CCDC14: variants seen among roughly 807,000 people sequenced by gnomAD.
CCDC14 encodes coiled-coil domain containing 14, also known as coiled-coil domain-containing protein 14.
Under a neutral mutation model 81.4 loss-of-function variants are expected in CCDC14, and 71 were observed. That is an observed-to-expected ratio of 0.87 (90% confidence interval 0.72 to 1.06). CCDC14 has a LOEUF of 1.06. Ranked by LOEUF, CCDC14 falls within the 50% of genes least tolerant of loss-of-function variation. CCDC14 has a pLI of 0.00. For synonymous variants in CCDC14, 332 were observed against 364.8 expected (o/e 0.91, Z 1.03); for missense variants, 1,046 against 1,047.3 (o/e 1.00, Z 0.02).
At chr3:123,916,305 G>C (rs2034685672) in intron 12 of CCDC14, among the ~76,000 whole-genome samples, 1 of 152,008 alleles carries the variant, frequency 6.6e-6, no homozygotes, top group African/African-American at 2.4e-5. Context: ...AGCCGAGATG[G>C]TTTATTCTTG....
chr3:123,961,089 AC>A, intron 1 of CCDC14, 54 bp downstream of exon 1: 8 of 1,429,896 alleles, frequency 5.6e-6, no homozygotes, highest in East Asian at 2.5e-5. Context: ...TGGCCCGAAA[AC>A]CCCCCTGTCC....
chr3:123,934,270 CAAAAAAAAA>C (rs61094944), intron 9 of CCDC14, among the ~76,000 whole-genome samples: 3 of 52,274 alleles, frequency 5.7e-5, no homozygotes, highest in East Asian at 3.6e-4. Context: ...GACTCTGCCT[CAAAAAAAAA>C]AAAAAAAAAA....
At chr3:123,956,264 G>A in intron 3 of CCDC14, 91 bp downstream of exon 3, 1 of 1,233,810 alleles carries the variant, frequency 8.1e-7, no homozygotes, top group Non-Finnish European at 1.1e-6. Flanking sequence ...TACTTCCTTA[G>A]AGCAATTAAT....
intron 5 of CCDC14, chr3:123,953,067 A>T (rs1340008984): frequency 6.4e-6 from 1 of 156,178 alleles, no homozygotes; most frequent in Non-Finnish European, 1.4e-5. Context: ...CCAAATAAGA[A>T]TTTAACGCTA....
At chr3:123,907,486 T>C (rs1469595469) in intron 5 of CCDC14, among the ~76,000 whole-genome samples, 7 of 151,808 alleles carry the variant, frequency 4.6e-5, no homozygotes, top group Admixed American at 2.0e-4. Context: ...GGCATGAGGA[T>C]TGCTTGAGCC....
chr3:123,927,968 C>G (rs2035466387), intron 12 of CCDC14, among the ~76,000 whole-genome samples: 1 of 152,114 alleles, frequency 6.6e-6, no homozygotes, highest in Non-Finnish European at 1.5e-5. Flanking sequence ...CTCTTTAAAA[C>G]AGAAAGCAAA....
At chr3:123,895,006 C>A (rs2034037824), downstream of CCDC14, among the ~76,000 whole-genome samples, 1 of 152,190 alleles carries the variant, frequency 6.6e-6, no homozygotes, top group Non-Finnish European at 1.5e-5. Context: ...ACAAACCTAG[C>A]ACATTATAAT....
intron 5 of CCDC14, among the ~76,000 whole-genome samples, chr3:123,905,644 C>T (rs1358887458): frequency 6.6e-6 from 1 of 152,234 alleles, no homozygotes; most frequent in Non-Finnish European, 1.5e-5. Flanking sequence ...ACTACAACCA[C>T]CACCTCACAT....
chr3:123,893,368 T>C (rs1362435101), downstream of CCDC14, among the ~76,000 whole-genome samples: 1 of 152,238 alleles, frequency 6.6e-6, no homozygotes, highest in East Asian at 1.9e-4. Flanking sequence ...TCATTCAGTG[T>C]AATGTTTTCA....
chr3:123,885,924 G>T, the CCDC14 span, among the ~76,000 whole-genome samples: 2 of 152,082 alleles, frequency 1.3e-5, no homozygotes, highest in African/African-American at 4.8e-5. Flanking sequence ...AAGGCACGAT[G>T]AATACCTGCT....
At chr3:123,955,137 T>G (rs1267017206) in intron 5 of CCDC14, 1 of 152,206 alleles carries the variant, frequency 6.6e-6, no homozygotes, top group Non-Finnish European at 1.5e-5. Flanking sequence ...CCAAGCTGAA[T>G]CTAAGCACGT....
chr3:123,948,779 T>C lies in CCDC14; in HGVS notation c.596A>G (p.Gln199Arg). Reference sequence around the variant, plus strand: ...GCCATAACTAGAATGAGGAGTTGCCTGAGATTCTGTAAGTAAGAGGGAGAA... The same window carrying C: ...GCCATAACTAGAATGAGGAGTTGCCCGAGATTCTGTAAGTAAGAGGGAGAA... ...PCHAPSHSESQATPHSSYGLC... is the reference protein window; with the variant it reads ...PCHAPSHSESRATPHSSYGLC... Residue 199 changes from glutamine (Q) to arginine (R), a missense_variant, in exon 7 of 13, where the codon CAG becomes CGG. Transcript: ENST00000409697. 1 of 1,595,070 alleles carries C rather than the reference T, an allele frequency of 6.3e-7. No homozygotes were observed. Among genetic ancestry groups the C allele is most frequent in the East Asian group, 2.2e-5 (1 of 44,764 alleles).
At position 123,948,794 on chromosome 3, in the gene CCDC14, A is replaced by G. The variant is rs1383063904; in HGVS notation, c.590-9T>C. The G allele has an allele frequency of 6.9e-6, 11 of 1,589,900 alleles. No individual in the cohort carries two copies. Among genetic ancestry groups the G allele is most frequent in the Non-Finnish European group, 8.5e-6 (10 of 1,170,644 alleles). On this transcript the variant is annotated splice_polypyrimidine_tract_variant and intron_variant, in intron 6 of 12. Transcript: ENST00000409697. ...AGGAGTTGCCTGAGATTCTGTAAGT[A>G]AGAGGGAGAAAAAATTAATCACATA...
At chr3:123,908,964 AAAAG>A (rs1198985060), downstream of CCDC14, among the ~76,000 whole-genome samples, 3 of 152,054 alleles carry the variant, frequency 2.0e-5, no homozygotes, top group Admixed American at 6.5e-5. Context: ...TGACCTAAAA[AAAAG>A]AAAGATTAAT....
chr3:123,956,626 A>G, intron 2 of CCDC14, 114 bp downstream of exon 2: 1 of 837,076 alleles, frequency 1.2e-6, no homozygotes, highest in Non-Finnish European at 1.9e-6. Flanking sequence ...TGTTCCTCAG[A>G]GCTTGTGATG....
chr3:123,905,114 G>A (rs1325622839), intron 5 of CCDC14, among the ~76,000 whole-genome samples: 1 of 152,148 alleles, frequency 6.6e-6, no homozygotes, highest in Non-Finnish European at 1.5e-5. Flanking sequence ...AAATGAACCT[G>A]GGTTGCTAGT....
rs568915378 is a variant in CCDC14 at position 123,905,615 on chromosome 3, C to G, written c.668-8002G>C. On this transcript the variant is annotated intron_variant, in intron 5 of 5. Transcript: ENST00000479903. ...GACTGAAGTAACAGAGGTCAACACTCTAAGGAGTATTTCCTATCACTACAA... is the reference window on the plus strand; with the variant it reads ...GACTGAAGTAACAGAGGTCAACACTGTAAGGAGTATTTCCTATCACTACAA... 7.9e-5 allele frequency among the ~76,000 whole-genome samples: 12 copies of G among 152,316 alleles called. No individual in the cohort carries two copies. The East Asian group carries it at 2.3e-3, about 29-fold the overall frequency.
Position 123,956,795 on chromosome 3 carries a change from C to T in CCDC14, c.31G>A (p.Val11Met). 6 of 1,525,672 alleles carry T rather than the reference C, an allele frequency of 3.9e-6. No homozygotes were observed. Among genetic ancestry groups the T allele is most frequent in the Non-Finnish European group, 5.3e-6 (6 of 1,125,088 alleles). 94.5% of individuals were successfully genotyped at this position (1,525,672 alleles called of 1,614,324 possible). A position where few individuals can be genotyped will look rare whatever the true frequency, so the allele number is the denominator to read the frequency against. MVRSGARPGQ[V>M]LSSGRHTGPA... ...CCAGTGTGCCTTCCTGAAGATAACA[C>T]CTATGACATAATATATTATAGCAGA... Residue 11 changes from valine to methionine, a missense_variant and splice_region_variant, in exon 2 of 13, where the codon GTG becomes ATG. Val to Met is a conservative substitution (Grantham distance 21, BLOSUM62 1). Coordinates refer to ENST00000409697, the MANE Select transcript of CCDC14 (RefSeq NM_001366335.1).
intron 10 of CCDC14, among the ~76,000 whole-genome samples, chr3:123,931,971 T>C (rs1451736381): frequency 1.3e-5 from 2 of 152,212 alleles, no homozygotes; most frequent in African/African-American, 2.4e-5. Context: ...ACACATACTA[T>C]ACACAATTTC....
Sources: gnomAD v4.1 joint callset for allele counts (sites outside exome capture counted in the v4.1 genomes callset) on GRCh38, gnomAD v4.1.1 for gene constraint, MANE v1.5 for transcripts, NCBI Gene and HGNC (gene_info 2026-07-23, HGNC 2026-07-21) for gene names.